Variants in DLC1 observed in about 807,000 individuals in gnomAD.
DLC1 encodes rho GTPase-activating protein 7.
Under a neutral mutation model 140.3 loss-of-function variants are expected in DLC1, and 54 were observed. The observed-to-expected ratio is 0.38, with a 90% CI of 0.31 to 0.48. The LOEUF (loss-of-function observed/expected upper bound fraction) is 0.48, where lower values mean the gene tolerates loss of function less well. DLC1 is among the 20% of genes least tolerant of loss of function. The pLI, the probability that DLC1 is intolerant of heterozygous loss-of-function variation, is 0.96. For missense variants in DLC1, 2,536 were observed against 1,907.0 expected (o/e 1.33, Z -6.14); for synonymous variants, 986 against 728.1 (o/e 1.35, Z -5.70).
intron 5 of DLC1, among the ~76,000 whole-genome samples, chr8:13,225,668 T>C (rs1585953000): frequency 6.7e-6 from 1 of 150,328 alleles, no homozygotes; most frequent in Admixed American, 6.7e-5. Context: ...AAGGCTGGAG[T>C]GCAGAGGCGC....
chr8:13,189,122 A>C (rs1471683965), intron 5 of DLC1, among the ~76,000 whole-genome samples: 2 of 152,042 alleles, frequency 1.3e-5, no homozygotes, highest in African/African-American at 4.8e-5. Context: ...ATAGTTTTTC[A>C]TGATAAAATA....
At chr8:13,313,932 G>C (rs1229333192) in intron 4 of DLC1, among the ~76,000 whole-genome samples, 1 of 152,092 alleles carries the variant, frequency 6.6e-6, no homozygotes, top group African/African-American at 2.4e-5. Flanking sequence ...AGGTAAGCCA[G>C]TGATGATATT....
At chr8:13,357,167 A>C (rs1267749262) in intron 4 of DLC1, among the ~76,000 whole-genome samples, 2 of 152,162 alleles carry the variant, frequency 1.3e-5, no homozygotes, top group African/African-American at 4.8e-5. Context: ...GCTACTCGTG[A>C]GGCCAAGGCC....
At chr8:13,396,940 G>GCC (rs918975400) in intron 3 of DLC1, among the ~76,000 whole-genome samples, 1 of 134,540 alleles carries the variant, frequency 7.4e-6, no homozygotes, top group East Asian at 2.2e-4. Context: ...CCTGTTACCC[G>GCC]CCCCCCCCAA....
rs1486480504 is a variant in DLC1 at position 13,321,536 on chromosome 8, C to CAAAAAAAAAAAAAAAAAAA, written c.1315-16235_1315-16234insTTTTTTTTTTTTTTTTTTT. On this transcript the variant is annotated intron_variant, in intron 4 of 17. Transcript: ENST00000276297. ...CTAGCGACAGAGAGAGACTCAGTCT[C>CAAAAAAAAAAAAAAAAAAA]AAAAAAGAAAAAAAAAAAAAAAAAA... Among the ~76,000 whole-genome samples, 3 of 6,134 alleles carry CAAAAAAAAAAAAAAAAAAA rather than the reference C, an allele frequency of 4.9e-4. 1 individual carries two copies. Among genetic ancestry groups the CAAAAAAAAAAAAAAAAAAA allele is most frequent in the Non-Finnish European group, 4.8e-4 (1 of 2,094 alleles). 4.0% of individuals were successfully genotyped at this position (6,134 alleles called of 152,430 possible). A position where few individuals can be genotyped will look rare whatever the true frequency, so the allele number is the denominator to read the frequency against.
At chr8:13,261,209 T>C (rs1375274595) in intron 5 of DLC1, among the ~76,000 whole-genome samples, 1 of 152,196 alleles carries the variant, frequency 6.6e-6, no homozygotes. Context: ...AGAGTGGTCC[T>C]GACTGGCCTC....
chr8:13,146,101 C>T lies in DLC1; in HGVS notation c.1349-30444G>A, dbSNP rs376052503. 2.6e-4 allele frequency among the ~76,000 whole-genome samples: 39 copies of T among 151,994 alleles called. No homozygotes were observed. In the East Asian group the frequency reaches 2.9e-3, roughly 11 times the overall value. On this transcript the variant is annotated intron_variant, in intron 5 of 17. Transcript: ENST00000276297. The stretch of plus-strand genomic sequence containing the variant: ...CAGCCTGGCCAACATTGTGAAACAT[C>T]GTCTCTACCAAAAACACAAAAAAAT...
At chr8:13,147,525 C>G (rs78279961) in intron 5 of DLC1, among the ~76,000 whole-genome samples, 5,116 of 152,240 alleles carry the variant, frequency 0.034, 103 homozygotes, top group African/African-American at 0.042. Flanking sequence ...TTTCACAGTT[C>G]TGGAGCGGGC....
intron 1 of DLC1, among the ~76,000 whole-genome samples, chr8:13,589,142 A>T (rs1805429661): frequency 6.6e-6 from 1 of 152,064 alleles, no homozygotes; most frequent in African/African-American, 2.4e-5. Context: ...CATATTCTTC[A>T]TTAGGCTATC....
intron 5 of DLC1, among the ~76,000 whole-genome samples, chr8:13,135,121 C>T (rs1201396868): frequency 6.6e-6 from 1 of 151,664 alleles, no homozygotes; most frequent in Non-Finnish European, 1.5e-5. Context: ...CAACGGGAGG[C>T]CAGGAAAGTA....
At position 13,084,544 on chromosome 8, in the gene DLC1, G is replaced by A. The variant is rs1488201640; in HGVS notation, c.*1267C>T. 6.8e-6 allele frequency: 1 copy of A among 146,056 alleles called. No homozygotes were observed. The highest frequency in any genetic ancestry group is 2.6e-5 in the African/African-American group (1 of 39,198). The allele number at this position is 146,056 out of a possible 1,614,324, so 9.0% of individuals were successfully genotyped here. ...ACTGGTTTGGGTTGGTTTTCTTCTTGTTGCGTTTTACTATGATTACTATTT... is the reference window on the plus strand; with the variant it reads ...ACTGGTTTGGGTTGGTTTTCTTCTTATTGCGTTTTACTATGATTACTATTT... On this transcript the variant is annotated 3_prime_UTR_variant, in exon 18 of 18. Transcript: ENST00000276297.
intron 4 of DLC1, among the ~76,000 whole-genome samples, chr8:13,347,498 C>A (rs1834403409): frequency 1.3e-5 from 2 of 152,130 alleles, no homozygotes; most frequent in South Asian, 4.1e-4. Flanking sequence ...GGGAATTTAA[C>A]CTCTCCTCTG....
At chr8:13,566,655 CAG>C (rs1309312619) in intron 1 of DLC1, among the ~76,000 whole-genome samples, 3 of 152,206 alleles carry the variant, frequency 2.0e-5, no homozygotes, top group Non-Finnish European at 4.4e-5. Context: ...CCCTGGGAAA[CAG>C]AGTTTGCAAG....
intron 5 of DLC1, among the ~76,000 whole-genome samples, chr8:13,228,233 T>G (rs2117187395): frequency 6.6e-6 from 1 of 152,172 alleles, no homozygotes; most frequent in South Asian, 2.1e-4. Context: ...CAGATGGTTC[T>G]GAAATATGCT....
intron 1 of DLC1, among the ~76,000 whole-genome samples, chr8:13,593,469 C>G (rs1805586563): frequency 6.6e-6 from 1 of 152,076 alleles, no homozygotes; most frequent in Admixed American, 6.6e-5. Flanking sequence ...TAGATGAAAT[C>G]TTAAGATTCA....
At chr8:13,096,456 C>G (rs1179253354) in intron 10 of DLC1, among the ~76,000 whole-genome samples, 3 of 152,010 alleles carry the variant, frequency 2.0e-5, no homozygotes. Flanking sequence ...AACGAAAGAG[C>G]AAAGTTAAGT....
chr8:13,166,584 T>C (rs1825121656), intron 5 of DLC1, among the ~76,000 whole-genome samples: 1 of 152,202 alleles, frequency 6.6e-6, no homozygotes, highest in South Asian at 2.1e-4. Context: ...CCACCCGCTG[T>C]GGCCTCCCAA....
rs1803873234 is a variant in DLC1 at position 13,551,984 on chromosome 8, T to TATATATATGTGTGTGTGTGC, written c.-125-51808_-125-51789dup. On this transcript the variant is annotated intron_variant, in intron 1 of 1. Transcript: ENST00000631382. ...GTGTATATGTATATGTGTGTGTGTG[T>TATATATATGTGTGTGTGTGC]ATATATATGTGTGTGTGTGCATATA... Among the ~76,000 whole-genome samples, 12 of 146,134 alleles carry TATATATATGTGTGTGTGTGC rather than the reference T, an allele frequency of 8.2e-5. No homozygotes were observed. In the Admixed American group the frequency reaches 8.4e-4, roughly 10 times the overall value.
At chr8:13,302,075 A>G (rs1411285068) in intron 5 of DLC1, among the ~76,000 whole-genome samples, 1 of 152,232 alleles carries the variant, frequency 6.6e-6, no homozygotes, top group Non-Finnish European at 1.5e-5. Context: ...GATTATTTAA[A>G]AAAGAAGTTG....
Sources: allele counts gnomAD v4.1 joint callset (sites outside exome capture counted in the v4.1 genomes callset), GRCh38; gene constraint gnomAD v4.1.1; transcripts MANE v1.5; gene names NCBI Gene and HGNC (gene_info 2026-07-23, HGNC 2026-07-21).